ARHGAP24: variants seen among roughly 807,000 people sequenced by gnomAD.
ARHGAP24 encodes rho GTPase-activating protein 24.
In ARHGAP24, 50 loss-of-function variants were observed where a neutral mutation model predicts 76.4. The observed-to-expected ratio is 0.65, with a 90% confidence interval of 0.52 to 0.83. The LOEUF is 0.83. ARHGAP24 is among the 40% of genes least tolerant of loss of function. The pLI is 0.00. For missense variants in ARHGAP24, 930 were observed against 914.2 expected (o/e 1.02, Z -0.22); for synonymous variants, 345 against 323.3 (o/e 1.07, Z -0.72).
At chr4:85,746,602 C>T (rs571146901) in intron 3 of ARHGAP24, among the ~76,000 whole-genome samples, 2 of 152,134 alleles carry the variant, frequency 1.3e-5, no homozygotes, top group East Asian at 1.9e-4. Context: ...TTTAACCACA[C>T]GCCTGAACAG....
chr4:85,503,517 G>A (rs941864100), intron 1 of ARHGAP24, among the ~76,000 whole-genome samples: 1 of 151,888 alleles, frequency 6.6e-6, no homozygotes, highest in East Asian at 1.9e-4. Context: ...GGCGTTTATA[G>A]TATTTTCTGA....
At chr4:85,824,091 C>T (rs1421626804) in intron 3 of ARHGAP24, among the ~76,000 whole-genome samples, 2 of 152,116 alleles carry the variant, frequency 1.3e-5, no homozygotes, top group Non-Finnish European at 2.9e-5. Context: ...TGTTTAATTT[C>T]ATGGTTTTAA....
At chr4:85,885,679 G>A (rs1297730619) in intron 3 of ARHGAP24, among the ~76,000 whole-genome samples, 1 of 152,008 alleles carries the variant, frequency 6.6e-6, no homozygotes, top group Non-Finnish European at 1.5e-5. Flanking sequence ...TGGGAAAATA[G>A]TAGTTCTTGG....
chr4:85,779,186 T>C (rs780684069), intron 3 of ARHGAP24, among the ~76,000 whole-genome samples: 6 of 152,350 alleles, frequency 3.9e-5, no homozygotes, highest in Middle Eastern at 3.4e-3. Context: ...AACCAGATGA[T>C]TGTTGCTGTT....
intron 7 of ARHGAP24, chr4:85,975,854 A>C (rs953392650): frequency 6.6e-6 from 1 of 152,234 alleles, no homozygotes; most frequent in Non-Finnish European, 1.5e-5. Flanking sequence ...GACTAATATC[A>C]GACATTTTGG....
At chr4:85,819,749 T>C (rs1477918215) in intron 3 of ARHGAP24, among the ~76,000 whole-genome samples, 1 of 152,102 alleles carries the variant, frequency 6.6e-6, no homozygotes. Context: ...TGAAACCCCA[T>C]GTCTACTTGA....
At chr4:85,639,984 A>G (rs1381804317) in intron 2 of ARHGAP24, among the ~76,000 whole-genome samples, 1 of 152,144 alleles carries the variant, frequency 6.6e-6, no homozygotes, top group African/African-American at 2.4e-5. Context: ...ATGCTTTGAT[A>G]TTAAGGGCCT....
intron 5 of ARHGAP24, among the ~76,000 whole-genome samples, chr4:85,963,447 T>C (rs1738380472): frequency 6.6e-6 from 1 of 152,136 alleles, no homozygotes; most frequent in African/African-American, 2.4e-5. Flanking sequence ...GGTTTTGTTA[T>C]TATTGGAACT....
chr4:85,699,881 A>C (rs894986737), intron 2 of ARHGAP24, among the ~76,000 whole-genome samples: 5 of 152,178 alleles, frequency 3.3e-5, no homozygotes, highest in African/African-American at 1.2e-4. Flanking sequence ...TGCCTGGCCC[A>C]TAGTAGGCAT....
intron 4 of ARHGAP24, among the ~76,000 whole-genome samples, chr4:85,936,571 T>A (rs1736645633): frequency 6.6e-6 from 1 of 152,012 alleles, no homozygotes; most frequent in South Asian, 2.1e-4. Context: ...ATTATAATAA[T>A]AATAAATGTA....
chr4:85,630,637 C>T (rs1344589484), intron 2 of ARHGAP24, among the ~76,000 whole-genome samples: 1 of 152,068 alleles, frequency 6.6e-6, no homozygotes, highest in Non-Finnish European at 1.5e-5. Flanking sequence ...AGACTGTGTC[C>T]ACAGGAGCCA....
intron 2 of ARHGAP24, among the ~76,000 whole-genome samples, chr4:85,661,666 C>G (rs938531014): frequency 2.0e-5 from 3 of 151,950 alleles, no homozygotes; most frequent in Admixed American, 1.3e-4. Context: ...ATCCCTCCCC[C>G]CTTCCCCCAC....
intron 3 of ARHGAP24, among the ~76,000 whole-genome samples, chr4:85,724,604 A>T (rs907092649): frequency 1.4e-4 from 21 of 151,422 alleles, no homozygotes; most frequent in African/African-American, 4.4e-4. Flanking sequence ...AAATCATATT[A>T]AAAAAACAAG....
At chr4:85,479,225 T>C (rs1722718386) in intron 1 of ARHGAP24, among the ~76,000 whole-genome samples, 1 of 152,202 alleles carries the variant, frequency 6.6e-6, no homozygotes. Context: ...GCCTATTTAA[T>C]CTCTATAATA....
At chr4:85,703,149 G>A (rs1724162416) in intron 2 of ARHGAP24, among the ~76,000 whole-genome samples, 1 of 152,176 alleles carries the variant, frequency 6.6e-6, no homozygotes, top group South Asian at 2.1e-4. Context: ...CTTTAAGGCA[G>A]TGGAAATAGA....
chr4:85,781,193 A>G (rs1727538891), intron 3 of ARHGAP24, among the ~76,000 whole-genome samples: 2 of 152,242 alleles, frequency 1.3e-5, no homozygotes, highest in African/African-American at 4.8e-5. Flanking sequence ...TGATTTCTTG[A>G]ATGGCTTTCT....
At chr4:85,713,179 T>A (rs983751082) in intron 2 of ARHGAP24, among the ~76,000 whole-genome samples, 1 of 151,934 alleles carries the variant, frequency 6.6e-6, no homozygotes, top group East Asian at 1.9e-4. Context: ...GCACCTGGAG[T>A]CCCTGGAGTC....
At chr4:85,730,816 C>G (rs1725371951) in intron 3 of ARHGAP24, among the ~76,000 whole-genome samples, 2 of 152,028 alleles carry the variant, frequency 1.3e-5, no homozygotes, top group Non-Finnish European at 2.9e-5. Flanking sequence ...GTTTGTTTCC[C>G]TTACCACCCA....
intron 1 of ARHGAP24, among the ~76,000 whole-genome samples, chr4:85,536,052 A>G (rs1725457375): frequency 6.6e-6 from 1 of 152,106 alleles, no homozygotes; most frequent in Non-Finnish European, 1.5e-5. Context: ...TTCATTCAAC[A>G]AATTTGACAG....
Sources: allele counts gnomAD v4.1 joint callset (sites outside exome capture counted in the v4.1 genomes callset), GRCh38; gene constraint gnomAD v4.1.1; transcripts MANE v1.5; gene names NCBI Gene and HGNC (gene_info 2026-07-23, HGNC 2026-07-21).